The following DCAF8 variants were observed in gnomAD, a reference collection of about 807,000 sequenced individuals.
The protein encoded by DCAF8 is DDB1 and CUL4 associated factor 8.
Under a neutral mutation model 68.0 loss-of-function variants are expected in DCAF8, and 20 were observed. That is an observed-to-expected ratio of 0.29 (90% CI 0.21 to 0.43). The LOEUF is 0.43. Among genes scored for constraint, DCAF8 ranks in the 20% least tolerant of loss-of-function variants. The pLI, the probability that DCAF8 is intolerant of heterozygous loss-of-function variation, is 1.00. For synonymous variants in DCAF8, 230 were observed against 276.9 expected (o/e 0.83, Z 1.68); for missense variants, 460 against 771.0 (o/e 0.60, Z 4.78).
In DCAF8 at chr1:160,217,270, A is replaced by T; in HGVS notation, c.*322T>A. ...CCCAAGAAACAAGGGAGATTAAAGAAAAAGAAACCCCATTCCCTATCCCAA... is the reference window on the plus strand; with the variant it reads ...CCCAAGAAACAAGGGAGATTAAAGATAAAGAAACCCCATTCCCTATCCCAA... On this transcript the variant is annotated 3_prime_UTR_variant, in exon 14 of 14. Coordinates refer to ENST00000368074, the MANE Select transcript of DCAF8 (RefSeq NM_015726.4). 1 of 241,452 alleles carries T rather than the reference A, an allele frequency of 4.1e-6. No homozygotes were observed. The highest frequency in any genetic ancestry group is 7.9e-6 in the Non-Finnish European group (1 of 126,888). The allele number at this position is 241,452 out of a possible 1,614,324, so 15.0% of individuals were successfully genotyped here. A position where few individuals can be genotyped will look rare whatever the true frequency, so the allele number is the denominator to read the frequency against.
intron 2 of DCAF8, among the ~76,000 whole-genome samples, chr1:160,246,868 A>G (rs1656361140): frequency 6.6e-6 from 1 of 152,208 alleles, no homozygotes; most frequent in East Asian, 1.9e-4. Flanking sequence ...CTGAGATGGA[A>G]GGATCACATG....
chr1:160,221,679 T>C lies in DCAF8; in HGVS notation c.1440+972A>G, dbSNP rs940451792. 7.2e-5 allele frequency among the ~76,000 whole-genome samples: 11 copies of C among 152,242 alleles called. 2 individuals are homozygous for C. The East Asian group carries it at 2.1e-3, about 29-fold the overall frequency. On this transcript the variant is annotated intron_variant, in intron 11 of 13. Coordinates refer to ENST00000368074, the MANE Select transcript of DCAF8 (RefSeq NM_015726.4). ...AAGAGAGACTTAGCTGTCTCAGTCA[T>C]TCCTTAGAGGCCTTGGATAACCAGA... is the stretch of plus-strand genomic sequence containing the variant.
At chr1:160,231,543 T>C (rs1655685921) in intron 6 of DCAF8, 136 bp from the exon 7 acceptor site, 4 of 660,118 alleles carry the variant, frequency 6.1e-6, no homozygotes, top group Non-Finnish European at 1.0e-5. Context: ...ATTGTTGTGT[T>C]TTCTCTGTTT....
intron 2 of DCAF8, among the ~76,000 whole-genome samples, chr1:160,250,035 T>C (rs1358833362): frequency 6.6e-6 from 1 of 152,196 alleles, no homozygotes; most frequent in African/African-American, 2.4e-5. Flanking sequence ...CCTTTTGGAA[T>C]GATGGAAATG....
Position 160,239,677 on chromosome 1 carries a change from A to G in DCAF8, c.723+20T>C. The stretch of plus-strand genomic sequence containing the variant: ...CTCATGCCTGATTCTCTCAGTTGCT[A>G]TTATGCTCCCTTGCCTCACCTGGAA... On this transcript the variant is annotated intron_variant, in intron 4 of 13. Transcript: ENST00000368074. 2 of 1,614,180 alleles carry G rather than the reference A, an allele frequency of 1.2e-6. No individual in the cohort carries two copies. Among genetic ancestry groups the G allele is most frequent in the East Asian group, 2.2e-5 (1 of 44,874 alleles).
At chr1:160,250,181 C>T (rs1238838856) in intron 2 of DCAF8, among the ~76,000 whole-genome samples, 2 of 152,154 alleles carry the variant, frequency 1.3e-5, no homozygotes, top group Non-Finnish European at 2.9e-5. Flanking sequence ...AGAGCGAATG[C>T]AGGCCGGCGC....
Position 160,217,665 on chromosome 1 carries a change from T to A in DCAF8, c.1721A>T (p.Asp574Val). ...TGTGTCTGAGGAGCTGGGAGACTCA[T>A]CAGAGTCCGCGTCTGTGGCCCCAAC... ...PGVGATDADS[D>V]ESPSSSDTSD... is the part of the protein sequence containing the mutation. The change falls in exon 14 of 14, where the codon GAT becomes GTT. Residue 574 changes from aspartate to valine, a missense_variant. Asp to Val is a radical substitution (Grantham distance 152). Around this residue, in one of 8 missense-constraint regions of DCAF8, gnomAD observed 80 missense variants for 115.1 expected, o/e 0.70. Coordinates refer to ENST00000368074, the MANE Select transcript of DCAF8 (RefSeq NM_015726.4). The A allele has an allele frequency of 6.2e-7, 1 of 1,614,120 alleles. No individual in the cohort carries two copies. Among genetic ancestry groups the A allele is most frequent in the Non-Finnish European group, 8.5e-7 (1 of 1,180,000 alleles).
intron 2 of DCAF8, among the ~76,000 whole-genome samples, chr1:160,245,321 T>C (rs1006702261): frequency 1.3e-5 from 2 of 152,202 alleles, no homozygotes; most frequent in Non-Finnish European, 2.9e-5. Context: ...TTCAGTGACT[T>C]GGACAAAAGG....
intron 3 of DCAF8, among the ~76,000 whole-genome samples, chr1:160,242,144 CT>C (rs936805510): frequency 6.6e-6 from 1 of 151,712 alleles, no homozygotes; most frequent in Non-Finnish European, 1.5e-5. Flanking sequence ...ACTTGGGAGG[CT>C]GAGGCAGAAG....
rs573666773 is a variant in DCAF8 at position 160,219,900 on chromosome 1, T to C, written c.1441-932A>G. On this transcript the variant is annotated intron_variant, in intron 11 of 13. Transcript: ENST00000368074. ...GTCTTTTAGTGAAAAGAGGAACACA[T>C]AGGAAAGGCACCCTGCCTTGCAGCT... is the stretch of plus-strand genomic sequence containing the variant. The C allele has an allele frequency of 2.6e-5, 4 of 152,288 alleles. No homozygotes were observed. The East Asian group carries it at 5.8e-4, about 22-fold the overall frequency. 9.4% of individuals were successfully genotyped at this position (152,288 alleles called of 1,614,324 possible). A position where few individuals can be genotyped will look rare whatever the true frequency, so the allele number is the denominator to read the frequency against.
At chr1:160,224,948 C>A in intron 9 of DCAF8, 114 bp downstream of exon 9, 1 of 1,000,874 alleles carries the variant, frequency 1.0e-6, no homozygotes, top group South Asian at 1.3e-5. Context: ...CCCAGCTGCT[C>A]TACTTGGAGC....
At chr1:160,236,263 A>ACACACACAC (rs60453098) in intron 6 of DCAF8, among the ~76,000 whole-genome samples, 66 of 144,582 alleles carry the variant, frequency 4.6e-4, no homozygotes, top group African/African-American at 1.0e-3. Flanking sequence ...ATCACACACA[A>ACACACACAC]ACACACACAC....
At chr1:160,222,821 G>A in intron 10 of DCAF8, 40 bp from the exon 11 acceptor site, 1 of 1,613,520 alleles carries the variant, frequency 6.2e-7, no homozygotes, top group Non-Finnish European at 8.5e-7. Context: ...ATGAGGGTTG[G>A]CATCAGGCCT....
At chr1:160,249,135 G>A (rs879355192) in intron 2 of DCAF8, among the ~76,000 whole-genome samples, 2 of 152,000 alleles carry the variant, frequency 1.3e-5, no homozygotes, top group African/African-American at 2.4e-5. Flanking sequence ...GGTTGCAAGT[G>A]AGCTGAGATC....
In DCAF8 at chr1:160,262,441, C is replaced by T; in HGVS notation, c.-101+8G>A. On this transcript the variant is annotated splice_region_variant and intron_variant, in intron 1 of 13. Transcript: ENST00000368074. ...CCACTGCCACCACCAACGCCGCCGCCATCTTACACTGGCCAGCGGCCGCCA... is the reference window on the plus strand; with the variant it reads ...CCACTGCCACCACCAACGCCGCCGCTATCTTACACTGGCCAGCGGCCGCCA... 1 of 400,650 alleles carries T rather than the reference C, an allele frequency of 2.5e-6. No individual in the cohort carries two copies. Among genetic ancestry groups the T allele is most frequent in the Non-Finnish European group, 4.4e-6 (1 of 227,154 alleles). 24.8% of individuals were successfully genotyped at this position (400,650 alleles called of 1,614,324 possible). A position where few individuals can be genotyped will look rare whatever the true frequency, so the allele number is the denominator to read the frequency against.
rs1023567873 is a variant in DCAF8 at position 160,253,758 on chromosome 1, C to T, written c.-27+7527G>A. On this transcript the variant is annotated intron_variant, in intron 2 of 13. Coordinates refer to ENST00000368074, the MANE Select transcript of DCAF8 (RefSeq NM_015726.4). ...GGAGGATCACTGGAGTCCCAGAGGT[C>T]GAGATTGCAGTGAACTGTGATGGGG... Among the ~76,000 whole-genome samples, 6 of 149,412 alleles carry T rather than the reference C, an allele frequency of 4.0e-5. No individual in the cohort carries two copies. The South Asian group carries it at 1.3e-3, about 32-fold the overall frequency.
intron 2 of DCAF8, among the ~76,000 whole-genome samples, chr1:160,253,210 G>T (rs773210863): frequency 6.6e-6 from 1 of 152,082 alleles, no homozygotes; most frequent in Non-Finnish European, 1.5e-5. Flanking sequence ...AGGTTTCAAG[G>T]TGAGGATAGG....
chr1:160,229,627 T>C (rs1457191299), intron 7 of DCAF8, among the ~76,000 whole-genome samples: 3 of 152,168 alleles, frequency 2.0e-5, no homozygotes, highest in African/African-American at 7.2e-5. Flanking sequence ...AAGTAGGAAC[T>C]CTCAACTCAA....
At chr1:160,244,656 C>T (rs951330137) in intron 2 of DCAF8, among the ~76,000 whole-genome samples, 5 of 150,642 alleles carry the variant, frequency 3.3e-5, no homozygotes, top group South Asian at 2.1e-4. Flanking sequence ...CTCATTCTGT[C>T]GCCCAGGCTG....
Sources: allele counts gnomAD v4.1 joint callset (sites outside exome capture counted in the v4.1 genomes callset), GRCh38; gene constraint gnomAD v4.1.1; regional missense constraint gnomAD v4.1.1; transcripts MANE v1.5; gene names NCBI Gene and HGNC (gene_info 2026-07-23, HGNC 2026-07-21).